COMMD10: variants seen among roughly 807,000 people sequenced by gnomAD.
The protein encoded by COMMD10 is COMM domain containing 10.
COMMD10 carries 33 observed loss-of-function variants against 28.9 expected under a neutral mutation model. That is an observed-to-expected ratio of 1.14 (90% CI 0.87 to 1.53). COMMD10 has a LOEUF of 1.53. Among genes scored for constraint, COMMD10 ranks in the 40% most tolerant of loss-of-function variants. The pLI is 0.00. For missense variants in COMMD10, 310 were observed against 233.4 expected (o/e 1.33, Z -2.14); for synonymous variants, 110 against 81.7 (o/e 1.35, Z -1.87).
At chr5:116,196,137 G>T (rs565385941) in intron 5 of COMMD10, among the ~76,000 whole-genome samples, 20 of 152,134 alleles carry the variant, frequency 1.3e-4, no homozygotes, top group Admixed American at 5.2e-4. Context: ...TTGCAAACAC[G>T]CATGTTTATA....
intron 4 of COMMD10, among the ~76,000 whole-genome samples, chr5:116,118,696 TA>T (rs558983559): frequency 7.2e-4 from 110 of 152,216 alleles, no homozygotes; most frequent in African/African-American, 2.3e-3. Context: ...ATTTTCTCTT[TA>T]AAAGTGAAAA....
At chr5:116,207,472 C>A (rs1045977354) in intron 5 of COMMD10, among the ~76,000 whole-genome samples, 30 of 152,080 alleles carry the variant, frequency 2.0e-4, no homozygotes, top group African/African-American at 7.2e-4. Flanking sequence ...TCATCAGTTT[C>A]TCTCAACTGG....
chr5:116,229,363 A>T (rs963986767), intron 5 of COMMD10, among the ~76,000 whole-genome samples: 1 of 152,014 alleles, frequency 6.6e-6, no homozygotes, highest in African/African-American at 2.4e-5. Context: ...TCCTAGCAGG[A>T]TCAACATTGA....
chr5:116,177,060 TGAGGCTCCTG>T (rs1462311426), intron 5 of COMMD10, among the ~76,000 whole-genome samples: 1 of 152,130 alleles, frequency 6.6e-6, no homozygotes, highest in Non-Finnish European at 1.5e-5. Context: ...GCAGTCAAGC[TGAGGCTCCTG>T]GATGGGCTTG....
chr5:116,229,376 G>A (rs929863755), intron 5 of COMMD10, among the ~76,000 whole-genome samples: 4 of 151,954 alleles, frequency 2.6e-5, no homozygotes, highest in African/African-American at 9.7e-5. Flanking sequence ...AACATTGATT[G>A]AGTAAATAAA....
chr5:116,120,871 A>T (rs959656756), intron 4 of COMMD10, among the ~76,000 whole-genome samples: 2 of 152,104 alleles, frequency 1.3e-5, no homozygotes, highest in African/African-American at 4.8e-5. Context: ...GAATAAACCT[A>T]ATTAATGTTT....
At chr5:116,152,212 G>A (rs535371041) in intron 5 of COMMD10, among the ~76,000 whole-genome samples, 8 of 152,280 alleles carry the variant, frequency 5.3e-5, no homozygotes, top group African/African-American at 1.9e-4. Flanking sequence ...TTGCACTGTG[G>A]TCTGAGAGAC....
rs1749858425 is a variant in COMMD10 at position 116,243,213 on chromosome 5, A to C, written c.511-48304A>C. ...TATATTCTGTACCATGTAACATCTTATGTATGATTTCAGTTCTTTTTAAGA... is the reference window on the plus strand; with the variant it reads ...TATATTCTGTACCATGTAACATCTTCTGTATGATTTCAGTTCTTTTTAAGA... On this transcript the variant is annotated intron_variant, in intron 5 of 6. Transcript: ENST00000274458. Among the ~76,000 whole-genome samples the C allele has an allele frequency of 2.0e-5, 3 of 152,190 alleles. 1 individual carries two copies. The highest frequency in any genetic ancestry group is 6.5e-5 in the Admixed American group (1 of 15,278).
At chr5:116,209,378 G>A (rs201292529) in intron 5 of COMMD10, among the ~76,000 whole-genome samples, 4 of 152,168 alleles carry the variant, frequency 2.6e-5, no homozygotes, top group East Asian at 1.9e-4. Context: ...CCAGTTTGGC[G>A]CACCAAATCT....
At position 116,134,063 on chromosome 5, in the gene COMMD10, TA is replaced by T. The variant is rs765984804; in HGVS notation, c.400-4del. 25 of 1,539,038 alleles carry T rather than the reference TA, an allele frequency of 1.6e-5. No individual in the cohort carries two copies. Among genetic ancestry groups the T allele is most frequent in the Non-Finnish European group, 2.2e-5 (24 of 1,110,308 alleles). On this transcript the variant is annotated splice_region_variant and splice_polypyrimidine_tract_variant and intron_variant, in intron 4 of 6. Transcript: ENST00000274458. Reference sequence around the variant, plus strand: ...CTGATTCCAATCTGCACCTGTCTTTTATAGCTAGAGACCGTTGGATGGCAGC... The same window carrying T: ...CTGATTCCAATCTGCACCTGTCTTTTTAGCTAGAGACCGTTGGATGGCAGC...
At chr5:116,137,347 A>G (rs921328079) in intron 5 of COMMD10, among the ~76,000 whole-genome samples, 8 of 152,118 alleles carry the variant, frequency 5.3e-5, no homozygotes, top group Admixed American at 2.0e-4. Flanking sequence ...AGTTTATTAA[A>G]GGAAAGGAAA....
intron 5 of COMMD10, among the ~76,000 whole-genome samples, chr5:116,186,578 C>T (rs1748145527): frequency 6.6e-6 from 1 of 152,098 alleles, no homozygotes; most frequent in African/African-American, 2.4e-5. Flanking sequence ...CTGAGTTCTC[C>T]TACTTCATAC....
At position 116,115,166 on chromosome 5, in the gene COMMD10, C is replaced by G. The variant is rs138668384; in HGVS notation, c.400-18902C>G. 2.0e-3 allele frequency among the ~76,000 whole-genome samples: 304 copies of G among 152,248 alleles called. 2 individuals are homozygous for G. The highest frequency in any genetic ancestry group is 6.9e-3 in the African/African-American group (288 of 41,558). On this transcript the variant is annotated intron_variant, in intron 4 of 6. Coordinates refer to ENST00000274458, the MANE Select transcript of COMMD10 (RefSeq NM_016144.4). ...GTGGAACCCAGGGTGTGTTATTTCC[C>G]TATAGCAGTTCCTTTATACAGTCTC...
intron 5 of COMMD10, among the ~76,000 whole-genome samples, chr5:116,237,058 A>G (rs1273441833): frequency 6.6e-6 from 1 of 152,168 alleles, no homozygotes; most frequent in Non-Finnish European, 1.5e-5. Flanking sequence ...GGTAGGCCTC[A>G]TTGAGAAGCT....
intron 5 of COMMD10, among the ~76,000 whole-genome samples, chr5:116,246,835 A>T (rs1364825217): frequency 6.6e-6 from 1 of 152,112 alleles, no homozygotes; most frequent in Non-Finnish European, 1.5e-5. Context: ...ACAAAAATGG[A>T]TTAAAGACTG....
intron 4 of COMMD10, among the ~76,000 whole-genome samples, chr5:116,127,451 A>C (rs1390737611): frequency 6.6e-6 from 1 of 152,230 alleles, no homozygotes; most frequent in East Asian, 1.9e-4. Flanking sequence ...ATTATAAATC[A>C]TGCTGCTATA....
chr5:116,217,275 C>G (rs75588875), intron 5 of COMMD10, among the ~76,000 whole-genome samples: 3 of 151,416 alleles, frequency 2.0e-5, no homozygotes, highest in South Asian at 2.1e-4. Flanking sequence ...TCAGGCAGAA[C>G]ATGGGCAGAC....
intron 5 of COMMD10, among the ~76,000 whole-genome samples, chr5:116,152,405 A>G (rs1478636966): frequency 6.6e-6 from 1 of 152,068 alleles, no homozygotes; most frequent in African/African-American, 2.4e-5. Context: ...GAAGAAATCC[A>G]CAGGGATAGT....
At chr5:116,245,388 T>G (rs10793797) in intron 5 of COMMD10, among the ~76,000 whole-genome samples, 148,909 of 152,194 alleles carry the variant, frequency 0.98, 72,930 homozygotes, top group South Asian at 1. Flanking sequence ...GGACCAGACG[T>G]ATTCACATCT....
Sources: gnomAD v4.1 joint callset for allele counts (sites outside exome capture counted in the v4.1 genomes callset) on GRCh38, gnomAD v4.1.1 for gene constraint, MANE v1.5 for transcripts, NCBI Gene and HGNC (gene_info 2026-07-23, HGNC 2026-07-21) for gene names.